DACT3: variants seen among roughly 807,000 people sequenced by gnomAD.
The protein encoded by DACT3 is dapper homolog 3.
DACT3 carries 5 observed loss-of-function variants against 19.6 expected under a neutral mutation model. That is an observed-to-expected ratio of 0.26 (90% CI 0.13 to 0.54). The LOEUF is 0.54. Among genes scored for constraint, DACT3 ranks in the 20% least tolerant of loss-of-function variants. DACT3 has a pLI of 0.95. For missense variants in DACT3, 908 were observed against 927.4 expected (o/e 0.98, Z 0.27); for synonymous variants, 454 against 428.1 (o/e 1.06, Z -0.75).
chr19:46,654,520 AT>A, intron 1 of DACT3: 1 of 979,908 alleles, frequency 1.0e-6, no homozygotes, highest in Non-Finnish European at 1.2e-6. Context: ...AGAAATTTCC[AT>A]GAGTCTACCC....
Position 46,649,536 on chromosome 19 carries a change from G to A in DACT3, c.836C>T (p.Pro279Leu), listed in dbSNP as rs868568685. The change falls in exon 4 of 4, where the codon CCG becomes CTG. Residue 279 changes from proline (P) to leucine (L), a missense_variant. Physicochemically the swap from Pro to Leu is moderately conservative, Grantham distance 98. This residue lies in a region of DACT3 where 656 missense variants were observed against 601.8 expected (regional missense o/e 1.09). Coordinates refer to ENST00000391916, the MANE Select transcript of DACT3 (RefSeq NM_145056.3). ...RTSPGGADGG[P>L]RRQNSVRQRP... is the part of the protein sequence containing the mutation. ...CTGGCGCACGCTGTTCTGGCGCCGC[G>A]GGCCGCCGTCCGCGCCCCCGGGACT... The A allele has an allele frequency of 4.5e-5, 47 of 1,051,846 alleles. No homozygotes were observed. The African/African-American group carries it at 6.9e-4, about 15-fold the overall frequency. 65.2% of individuals were successfully genotyped at this position (1,051,846 alleles called of 1,614,324 possible).
rs2052947098 is a variant in DACT3 at position 46,648,881 on chromosome 19, C to A, written c.1491G>T (p.Ala497=). ...GRRVRPRAPA[A]RVPGPGPSPS... Reference sequence around the variant, plus strand: ...GGGACGGGCCGGGGCCGGGAACACGCGCCGCAGGGGCTCGGGGCCGCACGC... The same window carrying A: ...GGGACGGGCCGGGGCCGGGAACACGAGCCGCAGGGGCTCGGGGCCGCACGC... The change falls in exon 4 of 4, where the codon GCG becomes GCT. Residue 497 remains alanine (A), a synonymous_variant. Transcript: ENST00000391916. The surrounding 1 kb of genome is among the most constrained non-coding windows in gnomAD (Gnocchi z 5.1). 7.1e-7 allele frequency: 1 copy of A among 1,406,024 alleles called. No homozygotes were observed. The highest frequency in any genetic ancestry group is 1.5e-5 in the African/African-American group (1 of 65,452). 87.1% of individuals were successfully genotyped at this position (1,406,024 alleles called of 1,614,324 possible). A position where few individuals can be genotyped will look rare whatever the true frequency, so the allele number is the denominator to read the frequency against.
Position 46,660,175 on chromosome 19 carries a change from G to C in DACT3, c.249+641C>G, listed in dbSNP as rs1352186442. Among the ~76,000 whole-genome samples, 1 of 152,194 alleles carries C rather than the reference G, an allele frequency of 6.6e-6. No homozygotes were observed. The highest frequency in any genetic ancestry group is 1.5e-5 in the Non-Finnish European group (1 of 68,028). The stretch of plus-strand genomic sequence containing the variant: ...TCCCCTTGGGTCAAGGAGAGCTGGG[G>C]CCAGGTAGGAAGCAGGGGAAGTGTC... On this transcript the variant is annotated intron_variant, in intron 1 of 3. Transcript: ENST00000391916. The surrounding 1 kb of genome is among the most constrained non-coding windows in gnomAD (Gnocchi z 4.9).
At chr19:46,650,066 C>T (rs570956215) in intron 3 of DACT3, 194 bp from the exon 4 acceptor site, 2 of 514,418 alleles carry the variant, frequency 3.9e-6, no homozygotes, top group Middle Eastern at 5.7e-4. Context: ...CCTACAAGAC[C>T]CTGCGTGACT....
chr19:46,652,598 C>T, intron 3 of DACT3, 62 bp downstream of exon 3: 1 of 1,509,592 alleles, frequency 6.6e-7, no homozygotes, highest in Non-Finnish European at 8.9e-7. Flanking sequence ...GAAGTCTGTG[C>T]CCACAACCAT....
intron 1 of DACT3, chr19:46,655,046 G>T: frequency 3.0e-6 from 3 of 985,272 alleles, no homozygotes; most frequent in Non-Finnish European, 3.6e-6. Context: ...AAAATCTCTC[G>T]GACCTACCAT....
chr19:46,649,315 G>T lies in DACT3; in HGVS notation c.1057C>A (p.Arg353Ser). 1 of 1,234,724 alleles carries T rather than the reference G, an allele frequency of 8.1e-7. No homozygotes were observed. Among genetic ancestry groups the T allele is most frequent in the Non-Finnish European group, 1.0e-6 (1 of 986,598 alleles). The allele number at this position is 1,234,724 out of a possible 1,614,324, so 76.5% of individuals were successfully genotyped here. A position where few individuals can be genotyped will look rare whatever the true frequency, so the allele number is the denominator to read the frequency against. ...GGGATGTACTGCGCCTTCACCAAGC[G>T]GCCCTCAGCCGGGCTGTCGGGGGGT... is the stretch of plus-strand genomic sequence containing the variant. ...PSPPDSPAEG[R>S]LVKAQYIPGA... The change falls in exon 4 of 4, where the codon CGC becomes AGC. Residue 353 changes from arginine to serine, a missense_variant. Transcript: ENST00000391916.
Position 46,649,292 on chromosome 19 carries a change from G to C in DACT3, c.1080C>G (p.Ile360Met). 2 of 1,224,586 alleles carry C rather than the reference G, an allele frequency of 1.6e-6. No individual in the cohort carries two copies. Among genetic ancestry groups the C allele is most frequent in the Non-Finnish European group, 2.0e-6 (2 of 982,012 alleles). 75.9% of individuals were successfully genotyped at this position (1,224,586 alleles called of 1,614,324 possible). ...CTCGGGTGGCCGCCTGCGCGCCCGG[G>C]ATGTACTGCGCCTTCACCAAGCGGC... ...AEGRLVKAQYIPGAQAATRGL... is the reference protein window; with the variant it reads ...AEGRLVKAQYMPGAQAATRGL... Residue 360 changes from isoleucine (I) to methionine (M), a missense_variant, in exon 4 of 4, where the codon ATC becomes ATG. Physicochemically the swap from Ile to Met is conservative, Grantham distance 10 (BLOSUM62 1). Around this residue, in one of 2 missense-constraint regions of DACT3, gnomAD observed 656 missense variants for 601.8 expected, o/e 1.09. Transcript: ENST00000391916.
chr19:46,652,439 A>T (rs2052994636), intron 3 of DACT3: 1 of 561,500 alleles, frequency 1.8e-6, no homozygotes, highest in African/African-American at 1.9e-5. Context: ...CCCACCTCCC[A>T]AAGTGCTGGG....
intron 1 of DACT3, chr19:46,659,400 C>T: frequency 1.0e-6 from 1 of 981,326 alleles, no homozygotes; most frequent in Non-Finnish European, 1.2e-6. Context: ...GGGGAGAGGA[C>T]ACAGCTACCC....
intron 1 of DACT3, chr19:46,654,501 A>C: frequency 1.0e-6 from 1 of 976,930 alleles, no homozygotes; most frequent in Non-Finnish European, 1.2e-6. Flanking sequence ...AAAAAAGGAA[A>C]AAAGAAAAAG....
rs1420477173 is a variant in DACT3 at position 46,647,643 on chromosome 19, G to A, written c.*839C>T. ...ACACTGTGCATTTATTTACAAAGAG[G>A]TTAGAGAAACACACAGAATCTGGCC... On this transcript the variant is annotated 3_prime_UTR_variant, in exon 4 of 4. Coordinates refer to ENST00000391916, the MANE Select transcript of DACT3 (RefSeq NM_145056.3). 6.6e-6 allele frequency: 1 copy of A among 152,520 alleles called. No homozygotes were observed. Among genetic ancestry groups the A allele is most frequent in the Non-Finnish European group, 1.5e-5 (1 of 68,006 alleles). 9.4% of individuals were successfully genotyped at this position (152,520 alleles called of 1,614,324 possible).
chr19:46,660,804 G>T lies in DACT3; in HGVS notation c.249+12C>A, dbSNP rs1163290285. 2.0e-6 allele frequency: 3 copies of T among 1,482,734 alleles called. No homozygotes were observed. The highest frequency in any genetic ancestry group is 2.7e-6 in the Non-Finnish European group (3 of 1,122,002). 91.8% of individuals were successfully genotyped at this position (1,482,734 alleles called of 1,614,324 possible). ...CGGGGGTGGAGGGACGGACGGACAG[G>T]CAGCCCCTTACCAGCTGCTCCTCCA... is the stretch of plus-strand genomic sequence containing the variant. On this transcript the variant is annotated intron_variant, in intron 1 of 3. Coordinates refer to ENST00000391916, the MANE Select transcript of DACT3 (RefSeq NM_145056.3). This position sits in a 1 kb window ranked among gnomAD's most constrained non-coding sequence, Gnocchi z 4.9.
Position 46,648,837 on chromosome 19 carries a change from C to G in DACT3, c.1535G>C (p.Arg512Pro), listed in dbSNP as rs894526552. Residue 512 changes from arginine (R) to proline (P), a missense_variant, in exon 4 of 4, where the codon CGT (arginine) becomes CCT (proline). Arg to Pro is a moderately radical substitution (Grantham distance 103, BLOSUM62 -2). This residue lies in a region of DACT3 where 656 missense variants were observed against 601.8 expected (regional missense o/e 1.09). Coordinates refer to ENST00000391916, the MANE Select transcript of DACT3 (RefSeq NM_145056.3). This position sits in a 1 kb window ranked among gnomAD's most constrained non-coding sequence, Gnocchi z 5.1. ...GCTGCCCGCGCAGCCGTAAAGCAGA[C>G]GACGCTGGGGAGCTGACGGGGACGG... Reference protein sequence around the residue: ...PGPSPSAPQRRLLYGCAGSDS... With the variant: ...PGPSPSAPQRPLLYGCAGSDS... The G allele has an allele frequency of 6.7e-7, 1 of 1,501,888 alleles. No homozygotes were observed. Among genetic ancestry groups the G allele is most frequent in the Non-Finnish European group, 8.8e-7 (1 of 1,133,498 alleles). 93.0% of individuals were successfully genotyped at this position (1,501,888 alleles called of 1,614,324 possible). A position where few individuals can be genotyped will look rare whatever the true frequency, so the allele number is the denominator to read the frequency against.
At chr19:46,652,638 G>A in intron 3 of DACT3, 22 bp downstream of exon 3, 1 of 1,548,818 alleles carries the variant, frequency 6.5e-7, no homozygotes, top group South Asian at 1.2e-5. Flanking sequence ...TGGCCCCAGG[G>A]CCCCACCCTC....
At position 46,661,109 on chromosome 19, in the gene DACT3, C is replaced by T; in HGVS notation, c.-45G>A. ...AGCCCGGCCGGGCCCCGCGGCCACC[C>T]CTCTCCCGGTCCCACCTCCCCGCCC... On this transcript the variant is annotated 5_prime_UTR_variant, in exon 1 of 4. Coordinates refer to ENST00000391916, the MANE Select transcript of DACT3 (RefSeq NM_145056.3). 6 of 1,371,776 alleles carry T rather than the reference C, an allele frequency of 4.4e-6. No homozygotes were observed. The highest frequency in any genetic ancestry group is 3.9e-5 in the Admixed American group (1 of 25,514). 85.0% of individuals were successfully genotyped at this position (1,371,776 alleles called of 1,614,324 possible). A position where few individuals can be genotyped will look rare whatever the true frequency, so the allele number is the denominator to read the frequency against.
chr19:46,653,664 C>T (rs529858311), intron 1 of DACT3, among the ~76,000 whole-genome samples: 29 of 152,108 alleles, frequency 1.9e-4, no homozygotes, highest in African/African-American at 6.0e-4. Flanking sequence ...GGCAATTCAC[C>T]CACCTCAGCC....
At chr19:46,650,071 G>T (rs1398790233) in intron 3 of DACT3, 199 bp from the exon 4 acceptor site, 4 of 473,664 alleles carry the variant, frequency 8.4e-6, no homozygotes, top group Non-Finnish European at 1.3e-5. Flanking sequence ...AAGACCCTGC[G>T]TGACTTGTCC....
At position 46,660,784 on chromosome 19, in the gene DACT3, G is replaced by A. The variant is rs996372572; in HGVS notation, c.249+32C>T. ...CCGAGACAGACAGACACAGACGGGGGTGGAGGGACGGACGGACAGGCAGCC... is the reference window on the plus strand; with the variant it reads ...CCGAGACAGACAGACACAGACGGGGATGGAGGGACGGACGGACAGGCAGCC... On this transcript the variant is annotated intron_variant, in intron 1 of 3. Transcript: ENST00000391916. The surrounding 1 kb of genome is among the most constrained non-coding windows in gnomAD (Gnocchi z 4.9). 3.4e-6 allele frequency: 5 copies of A among 1,461,584 alleles called. No individual in the cohort carries two copies. The Middle Eastern group carries it at 7.0e-4, about 206-fold the overall frequency. 90.5% of individuals were successfully genotyped at this position (1,461,584 alleles called of 1,614,324 possible).
Sources: gnomAD v4.1 joint callset for allele counts (sites outside exome capture counted in the v4.1 genomes callset) on GRCh38, gnomAD v4.1.1 for gene constraint, gnomAD v4.1.1 regional missense constraint, Gnocchi (gnomAD v3.1) non-coding constraint, MANE v1.5 for transcripts, NCBI Gene and HGNC (gene_info 2026-07-23, HGNC 2026-07-21) for gene names.